Variants in DNAH14 observed in about 807,000 individuals in gnomAD.
DNAH14 encodes the protein axonemal beta dynein heavy chain 14.
A neutral mutation model predicts 520.9 loss-of-function variants in DNAH14; 478 were observed. The ratio of observed to expected loss-of-function variants is 0.92; its 90% confidence interval spans 0.85 to 0.99. The LOEUF (loss-of-function observed/expected upper bound fraction) is 0.99. Ranked by LOEUF, DNAH14 falls within the 50% of genes least tolerant of loss-of-function variation. The pLI is 0.00. For missense variants in DNAH14, 4,831 were observed against 5,234.5 expected, an observed-to-expected ratio of 0.92 and a Z score of 2.38; for synonymous variants, 1,581 against 1,757.2, an observed-to-expected ratio of 0.90 and a Z score of 2.51.
intron 40 of DNAH14, among the ~76,000 whole-genome samples, chr1:225,206,444 A>G (rs1610406): frequency 0.87 from 132,082 of 152,130 alleles, 57,678 homozygotes; most frequent in East Asian, 1. Flanking sequence ...GACAGGTTAG[A>G]CTGCTGATGT....
chr1:225,285,291 G>C (rs554282503), intron 54 of DNAH14, among the ~76,000 whole-genome samples: 1 of 152,056 alleles, frequency 6.6e-6, no homozygotes, highest in African/African-American at 2.4e-5. Flanking sequence ...GCTCATGCCT[G>C]TAATCCCAGA....
intron 34 of DNAH14, among the ~76,000 whole-genome samples, chr1:225,158,190 T>C (rs2081219330): frequency 6.6e-6 from 1 of 152,146 alleles, no homozygotes; most frequent in African/African-American, 2.4e-5. Context: ...CAATATATAC[T>C]GTAGTGTTTA....
At chr1:225,018,726 A>G (rs927888273) in intron 10 of DNAH14, among the ~76,000 whole-genome samples, 2 of 152,200 alleles carry the variant, frequency 1.3e-5, no homozygotes, top group Non-Finnish European at 2.9e-5. Context: ...TTACAAGTCT[A>G]CAGAGATTAG....
At chr1:225,218,470 A>C (rs1351348973) in intron 41 of DNAH14, among the ~76,000 whole-genome samples, 2 of 150,814 alleles carry the variant, frequency 1.3e-5, no homozygotes, top group African/African-American at 4.9e-5. Context: ...AGATCTACCA[A>C]GCAAATGGAA....
In DNAH14 at chr1:224,964,573, A is replaced by C. The variant is rs896232264; in HGVS notation, c.462A>C (p.Gly154=). 2.1e-5 allele frequency: 33 copies of C among 1,604,048 alleles called. No individual in the cohort carries two copies. The highest frequency in any genetic ancestry group is 2.6e-5 in the Non-Finnish European group (31 of 1,174,380). Reference sequence around the variant, plus strand: ...TACCGCAGCACAGTTTGAAATACGGAAGCTCCAAAATTGCAATTCAGAAGA... The same window carrying C: ...TACCGCAGCACAGTTTGAAATACGGCAGCTCCAAAATTGCAATTCAGAAGA... ...TILPQHSLKY[G]SSKIAIQKIT... is the part of the protein sequence containing the mutation. The change falls in exon 5 of 86, where the codon GGA becomes GGC. Residue 154 remains glycine, a synonymous_variant. Transcript: ENST00000682510.
intron 42 of DNAH14, among the ~76,000 whole-genome samples, chr1:225,239,508 T>A (rs530064707): frequency 1.3e-5 from 2 of 152,276 alleles, no homozygotes; most frequent in African/African-American, 4.8e-5. Flanking sequence ...GGTCGAGTTG[T>A]TTGCCTAGTC....
rs1558433857 is a variant in DNAH14 at position 225,335,670 on chromosome 1, CAT to C, written c.10081-1591_10081-1590del. 2.9e-4 allele frequency among the ~76,000 whole-genome samples: 24 copies of C among 84,086 alleles called. 8 individuals are homozygous for C. The highest frequency in any genetic ancestry group is 1.1e-3 in the African/African-American group (17 of 15,926). 55.2% of individuals were successfully genotyped at this position (84,086 alleles called of 152,430 possible). ...GTATATACGCATATATACATATGTGCATATATGTATATACGCATATATACATA... is the reference window on the plus strand; with the variant it reads ...GTATATACGCATATATACATATGTGCATATGTATATACGCATATATACATA... On this transcript the variant is annotated intron_variant, in intron 66 of 85. Coordinates refer to ENST00000682510, the MANE Select transcript of DNAH14 (RefSeq NM_001367479.1).
chr1:224,946,087 G>A (rs2125444324), intron 1 of DNAH14, among the ~76,000 whole-genome samples: 1 of 152,326 alleles, frequency 6.6e-6, no homozygotes, highest in East Asian at 1.9e-4. Flanking sequence ...GCCCCCAGAG[G>A]TGGAGTCTAC....
Position 225,253,578 on chromosome 1 carries a change from A to AT in DNAH14, c.6865+1169dup, listed in dbSNP as rs567976067. On this transcript the variant is annotated intron_variant, in intron 44 of 85. Coordinates refer to ENST00000682510, the MANE Select transcript of DNAH14 (RefSeq NM_001367479.1). ...AAGTCTCCTTTTATGGTTGAGTAGGATTTTTTTTCTTATACTTCTTTACTT... is the reference window on the plus strand; with the variant it reads ...AAGTCTCCTTTTATGGTTGAGTAGGATTTTTTTTTCTTATACTTCTTTACTT... Among the ~76,000 whole-genome samples the AT allele has an allele frequency of 7.4e-4, 112 of 151,822 alleles. 1 individual carries two copies. Among genetic ancestry groups the AT allele is most frequent in the African/African-American group, 2.5e-3 (105 of 41,410 alleles).
rs146243013 is a variant in DNAH14, at chr1:225,121,838, C to G, written c.4167-1689C>G. On this transcript the variant is annotated intron_variant, in intron 26 of 85. Transcript: ENST00000682510. ...CCTGGGTGACAGAGCGAGACTCCAT[C>G]TCAAATTAAATAAATAAATAAATAA... is the stretch of plus-strand genomic sequence containing the variant. Among the ~76,000 whole-genome samples the G allele has an allele frequency of 7.6e-3, 1,155 of 151,176 alleles. 18 individuals are homozygous for G. The highest frequency in any genetic ancestry group is 0.026 in the African/African-American group (1,091 of 41,194).
In DNAH14 at chr1:225,335,842, CATACACATATGTACA is replaced by C. The variant is rs1364613413; in HGVS notation, c.10081-1423_10081-1409del. Reference sequence around the variant, plus strand: ...ACATACACATATGTACATATATGTACATACACATATGTACATATATGTACATACACATATACATAT... The same window carrying C: ...ACATACACATATGTACATATATGTACTATATGTACATACACATATACATAT... On this transcript the variant is annotated intron_variant, in intron 66 of 85. Transcript: ENST00000682510. Among the ~76,000 whole-genome samples the C allele has an allele frequency of 4.3e-5, 4 of 93,696 alleles. 2 individuals are homozygous for C. The highest frequency in any genetic ancestry group is 8.3e-5 in the African/African-American group (2 of 24,182). The allele number at this position is 93,696 out of a possible 152,430, so 61.5% of individuals were successfully genotyped here.
At chr1:225,041,171 C>G (rs2067448002) in intron 12 of DNAH14, among the ~76,000 whole-genome samples, 1 of 152,192 alleles carries the variant, frequency 6.6e-6, no homozygotes, top group African/African-American at 2.4e-5. Flanking sequence ...GTTTGGGCAT[C>G]TTGCCCCTGC....
chr1:225,104,279 C>T (rs146475354), intron 23 of DNAH14, among the ~76,000 whole-genome samples: 12,394 of 152,164 alleles, frequency 0.081, 1,629 homozygotes, highest in African/African-American at 0.28. Flanking sequence ...CTGCTGGATT[C>T]GGTTTACCAG....
At chr1:225,010,183 G>A (rs1410778310) in intron 10 of DNAH14, among the ~76,000 whole-genome samples, 1 of 152,166 alleles carries the variant, frequency 6.6e-6, no homozygotes, top group Non-Finnish European at 1.5e-5. Flanking sequence ...AGTTTTCAAA[G>A]GGAATGCTTC....
chr1:225,337,248 CTAA>C lies in DNAH14; in HGVS notation c.10081-13_10081-11del. On this transcript the variant is annotated splice_polypyrimidine_tract_variant and intron_variant, in intron 66 of 85. Coordinates refer to ENST00000682510, the MANE Select transcript of DNAH14 (RefSeq NM_001367479.1). Reference sequence around the variant, plus strand: ...AGACATTTACAAAATAGTGAAAGTACTAATAATTTCATTGCAGATCAGCCGATG... The same window carrying C: ...AGACATTTACAAAATAGTGAAAGTACTAATTTCATTGCAGATCAGCCGATG... The C allele has an allele frequency of 6.5e-7, 1 of 1,530,582 alleles. No homozygotes were observed. The highest frequency in any genetic ancestry group is 8.9e-7 in the Non-Finnish European group (1 of 1,127,902). The allele number at this position is 1,530,582 out of a possible 1,614,324, so 94.8% of individuals were successfully genotyped here. A position where few individuals can be genotyped will look rare whatever the true frequency, so the allele number is the denominator to read the frequency against.
At chr1:225,218,706 TA>T (rs1559330168) in intron 41 of DNAH14, among the ~76,000 whole-genome samples, 1 of 152,122 alleles carries the variant, frequency 6.6e-6, no homozygotes. Flanking sequence ...TCCCACACAA[TA>T]ATAATGGGAG....
At chr1:225,134,374 ACT>A (rs1420416591) in intron 27 of DNAH14, among the ~76,000 whole-genome samples, 1 of 151,806 alleles carries the variant, frequency 6.6e-6, no homozygotes, top group Non-Finnish European at 1.5e-5. Context: ...GTCATATATA[ACT>A]CTTATTATTT....
intron 69 of DNAH14, among the ~76,000 whole-genome samples, chr1:225,345,366 G>A (rs1052407798): frequency 6.6e-6 from 1 of 152,158 alleles, no homozygotes; most frequent in African/African-American, 2.4e-5. Context: ...AAATGGGAAT[G>A]TTTAGCCCAC....
At chr1:224,949,926 G>A (rs569337277) in intron 1 of DNAH14, among the ~76,000 whole-genome samples, 8 of 152,036 alleles carry the variant, frequency 5.3e-5, no homozygotes, top group East Asian at 1.9e-4. Context: ...TATAATTTTT[G>A]TTCTTCTTAT....
Sources: gnomAD v4.1 joint callset for allele counts (sites outside exome capture counted in the v4.1 genomes callset) on GRCh38, gnomAD v4.1.1 for gene constraint, MANE v1.5 for transcripts, NCBI Gene and HGNC (gene_info 2026-07-23, HGNC 2026-07-21) for gene names.